KIAA0825: variants seen among roughly 807,000 people sequenced by gnomAD.
KIAA0825 encodes the protein KIAA0825.
KIAA0825 carries 119 observed loss-of-function variants against 147.6 expected under a neutral mutation model. The observed-to-expected ratio is 0.81, with a 90% CI of 0.69 to 0.94. The LOEUF is 0.94. KIAA0825 is among the 40% of genes least tolerant of loss of function. KIAA0825 has a pLI of 0.00. For synonymous variants in KIAA0825, 470 were observed against 518.1 expected, an observed-to-expected ratio of 0.91 and a Z score of 1.26; for missense variants, 1,381 against 1,472.7, an observed-to-expected ratio of 0.94 and a Z score of 1.02.
chr5:94,538,767 G>A (rs955445165), intron 2 of KIAA0825, among the ~76,000 whole-genome samples: 5 of 152,158 alleles, frequency 3.3e-5, no homozygotes, highest in Admixed American at 6.5e-5. Context: ...GTCCTATAAC[G>A]CCAGAGCAGG....
chr5:94,272,994 T>A (rs1777060413), intron 20 of KIAA0825, among the ~76,000 whole-genome samples: 1 of 152,218 alleles, frequency 6.6e-6, no homozygotes, highest in South Asian at 2.1e-4. Context: ...AAATTTAGGA[T>A]GCAAATTAAT....
chr5:94,569,663 A>T, intron 2 of KIAA0825: 1 of 349,836 alleles, frequency 2.9e-6, no homozygotes, highest in Non-Finnish European at 5.4e-6. Flanking sequence ...CGCCTGCCTA[A>T]CCATTCAAAT....
chr5:94,343,818 A>C (rs768783467), intron 20 of KIAA0825, among the ~76,000 whole-genome samples: 1 of 152,234 alleles, frequency 6.6e-6, no homozygotes, highest in Non-Finnish European at 1.5e-5. Flanking sequence ...CATGCAAATC[A>C]ATAAAGACAA....
intron 14 of KIAA0825, among the ~76,000 whole-genome samples, chr5:94,435,115 AT>A (rs796520053): frequency 3.7e-4 from 55 of 150,578 alleles, no homozygotes; most frequent in African/African-American, 1.1e-3. Context: ...AAAAACCACT[AT>A]TTTTTTTTCT....
intron 20 of KIAA0825, among the ~76,000 whole-genome samples, chr5:94,228,363 C>G (rs1774392144): frequency 6.6e-6 from 1 of 152,168 alleles, no homozygotes; most frequent in Admixed American, 6.5e-5. Flanking sequence ...AAATAGTCTT[C>G]TAATATTTCT....
At chr5:94,173,950 A>G (rs1432926944) in intron 20 of KIAA0825, among the ~76,000 whole-genome samples, 1 of 152,136 alleles carries the variant, frequency 6.6e-6, no homozygotes, top group Non-Finnish European at 1.5e-5. Context: ...AACTGTACTC[A>G]TTTTATGGCC....
intron 14 of KIAA0825, among the ~76,000 whole-genome samples, chr5:94,422,377 C>T (rs868814577): frequency 3.9e-5 from 6 of 152,214 alleles, no homozygotes; most frequent in Middle Eastern, 3.4e-3. Context: ...ATTATACTCC[C>T]TTAGTCCAAT....
intron 10 of KIAA0825, among the ~76,000 whole-genome samples, chr5:94,466,362 CAG>C (rs926947816): frequency 6.6e-6 from 1 of 152,250 alleles, no homozygotes; most frequent in South Asian, 2.1e-4. Flanking sequence ...ATCAAAATGT[CAG>C]AGTCGAGTTC....
At chr5:94,358,855 A>G (rs1361169211) in intron 20 of KIAA0825, among the ~76,000 whole-genome samples, 2 of 152,224 alleles carry the variant, frequency 1.3e-5, no homozygotes, top group East Asian at 1.9e-4. Flanking sequence ...CTATTTAAGG[A>G]AATATTTTTC....
At chr5:94,253,789 A>T (rs771046214) in intron 20 of KIAA0825, among the ~76,000 whole-genome samples, 1 of 152,162 alleles carries the variant, frequency 6.6e-6, no homozygotes, top group Non-Finnish European at 1.5e-5. Context: ...TCAGTTCCTC[A>T]TTAAGGCTTG....
chr5:94,558,598 C>G (rs1016804500), intron 2 of KIAA0825, among the ~76,000 whole-genome samples: 2 of 152,208 alleles, frequency 1.3e-5, no homozygotes, highest in African/African-American at 4.8e-5. Context: ...TGATAGGCTT[C>G]TTTCCCATAT....
chr5:94,483,562 T>C (rs1039218856), intron 6 of KIAA0825, among the ~76,000 whole-genome samples: 6 of 151,954 alleles, frequency 3.9e-5, no homozygotes, highest in African/African-American at 1.4e-4. Context: ...AATTAAATCT[T>C]TGGCTTTTTT....
chr5:94,270,762 A>G (rs1776945584), intron 20 of KIAA0825, among the ~76,000 whole-genome samples: 1 of 152,204 alleles, frequency 6.6e-6, no homozygotes, highest in Non-Finnish European at 1.5e-5. Flanking sequence ...AAATACAGAC[A>G]CATATAATGA....
At chr5:94,187,106 C>T (rs769777856) in intron 20 of KIAA0825, among the ~76,000 whole-genome samples, 10 of 151,996 alleles carry the variant, frequency 6.6e-5, no homozygotes, top group East Asian at 1.9e-4. Flanking sequence ...AAAGGTGGAT[C>T]GGAATTGAGA....
intron 6 of KIAA0825, among the ~76,000 whole-genome samples, chr5:94,477,448 G>A (rs533149678): frequency 1.3e-5 from 2 of 151,876 alleles, no homozygotes; most frequent in South Asian, 2.1e-4. Flanking sequence ...CATAAAACTT[G>A]ATGAAATCTA....
At chr5:94,199,321 C>A (rs1771441787) in intron 20 of KIAA0825, among the ~76,000 whole-genome samples, 2 of 152,202 alleles carry the variant, frequency 1.3e-5, no homozygotes, top group African/African-American at 4.8e-5. Context: ...CTTTTCTCAG[C>A]ACTCCTGGGC....
intron 1 of KIAA0825, among the ~76,000 whole-genome samples, chr5:94,604,274 A>C (rs1393277542): frequency 6.6e-6 from 1 of 152,156 alleles, no homozygotes; most frequent in Non-Finnish European, 1.5e-5. Context: ...TAAAAAATTC[A>C]CTTATGGTGG....
intron 20 of KIAA0825, among the ~76,000 whole-genome samples, chr5:94,314,510 A>G (rs142941064): frequency 6.6e-6 from 1 of 151,820 alleles, no homozygotes; most frequent in East Asian, 2.0e-4. Context: ...ATGCAAATTT[A>G]GTAACATAAA....
Position 94,520,811 on chromosome 5 carries a change from G to A in KIAA0825, c.407C>T (p.Thr136Ile), listed in dbSNP as rs1768035317. 6.2e-7 allele frequency: 1 copy of A among 1,613,230 alleles called. No homozygotes were observed. ...CGTCCTAGAGAGGAAATGGAAAGAT[G>A]TTCCACTTAGGGTTGATGGGAATGA... ...SVSFPSTLSG[T>I]SFHFLSRTSL... is the part of the protein sequence containing the mutation. The change falls in exon 5 of 21, where the codon ACA becomes ATA. Residue 136 changes from threonine (T) to isoleucine (I), a missense_variant. Transcript: ENST00000682413.
Sources: gnomAD v4.1 joint callset for allele counts (sites outside exome capture counted in the v4.1 genomes callset) on GRCh38, gnomAD v4.1.1 for gene constraint, MANE v1.5 for transcripts, NCBI Gene and HGNC (gene_info 2026-07-23, HGNC 2026-07-21) for gene names.